EXOC6: variants seen among roughly 807,000 people sequenced by gnomAD.
EXOC6 encodes exocyst complex component 6.
EXOC6 carries 60 observed loss-of-function variants against 112.5 expected under a neutral mutation model. That is an observed-to-expected ratio of 0.53 (90% confidence interval 0.43 to 0.66). EXOC6 has a LOEUF of 0.66. EXOC6 is among the 30% of genes least tolerant of loss of function. EXOC6 has a pLI of 0.00. For missense variants in EXOC6, 855 were observed against 957.1 expected, an observed-to-expected ratio of 0.89 and a Z score of 1.41; for synonymous variants, 295 against 308.0, an observed-to-expected ratio of 0.96 and a Z score of 0.44.
chr10:93,038,237 A>G (rs1471210815), intron 20 of EXOC6, among the ~76,000 whole-genome samples: 1 of 151,914 alleles, frequency 6.6e-6, no homozygotes, highest in African/African-American at 2.4e-5. Flanking sequence ...CACAATTCCT[A>G]TTTTCAGTTA....
intron 1 of EXOC6, among the ~76,000 whole-genome samples, chr10:92,883,334 A>G (rs1189234661): frequency 6.6e-6 from 1 of 152,156 alleles, no homozygotes; most frequent in Non-Finnish European, 1.5e-5. Context: ...GTTTGCTTTA[A>G]AAACTGTCTT....
intron 19 of EXOC6, among the ~76,000 whole-genome samples, chr10:93,007,400 C>T (rs1284093767): frequency 6.6e-6 from 1 of 152,082 alleles, no homozygotes; most frequent in East Asian, 1.9e-4. Flanking sequence ...TCTGTAATCC[C>T]AGCACTTTGG....
At chr10:92,910,424 T>C (rs1015218071) in intron 6 of EXOC6, among the ~76,000 whole-genome samples, 3 of 152,058 alleles carry the variant, frequency 2.0e-5, no homozygotes, top group Non-Finnish European at 4.4e-5. Flanking sequence ...GCAGGTAGAC[T>C]AAGATGGAAA....
At chr10:92,880,851 G>GA (rs1231252904) in intron 1 of EXOC6, among the ~76,000 whole-genome samples, 4 of 151,640 alleles carry the variant, frequency 2.6e-5, no homozygotes, top group African/African-American at 9.7e-5. Flanking sequence ...TGCCAAAAGG[G>GA]AAAAAAATGG....
intron 13 of EXOC6, among the ~76,000 whole-genome samples, 182 bp downstream of exon 13, chr10:92,941,006 A>G (rs927205502): frequency 1.3e-5 from 2 of 152,146 alleles, no homozygotes; most frequent in Admixed American, 1.3e-4. Flanking sequence ...AATTGTTGCA[A>G]CTGTCACCAC....
intron 1 of EXOC6, among the ~76,000 whole-genome samples, chr10:92,853,124 A>T (rs1847430485): frequency 6.6e-6 from 1 of 152,210 alleles, no homozygotes; most frequent in Non-Finnish European, 1.5e-5. Context: ...CAGAAATTGA[A>T]ATTTAAAATT....
rs1245985546 is a variant in EXOC6, at chr10:93,016,162, TCTCA to T, written c.2169+1899_2169+1902del. 2.0e-5 allele frequency among the ~76,000 whole-genome samples: 3 copies of T among 152,198 alleles called. No individual in the cohort carries two copies. In the East Asian group the frequency reaches 5.8e-4, roughly 29 times the overall value. On this transcript the variant is annotated intron_variant, in intron 20 of 21. Transcript: ENST00000260762. ...TTGTTTATTTATTTATGAGACAGAGTCTCACTCTGTTGCCCAGGCTGGAATGCAG... is the reference window on the plus strand; with the variant it reads ...TTGTTTATTTATTTATGAGACAGAGTCTCTGTTGCCCAGGCTGGAATGCAG...
At chr10:92,901,838 A>G (rs1327252004) in intron 5 of EXOC6, 2 of 147,590 alleles carry the variant, frequency 1.4e-5, no homozygotes, top group African/African-American at 5.0e-5. Context: ...TCTCTACTGA[A>G]AAAAAAAAAA....
intron 20 of EXOC6, among the ~76,000 whole-genome samples, chr10:93,014,852 C>T (rs1844426881): frequency 6.6e-6 from 1 of 152,160 alleles, no homozygotes; most frequent in African/African-American, 2.4e-5. Flanking sequence ...CATTTTGCTA[C>T]TCTGACATAT....
At chr10:92,838,522 GGAAA>G (rs1846733140) in intron 1 of EXOC6, among the ~76,000 whole-genome samples, 1 of 152,170 alleles carries the variant, frequency 6.6e-6, no homozygotes, top group African/African-American at 2.4e-5. Flanking sequence ...TAAGTTTGAA[GGAAA>G]GATAGTTTCA....
chr10:92,909,231 A>G (rs927499770), intron 5 of EXOC6, among the ~76,000 whole-genome samples, 196 bp from the exon 6 acceptor site: 6 of 152,208 alleles, frequency 3.9e-5, no homozygotes, highest in African/African-American at 1.4e-4. Flanking sequence ...TATGCCATCA[A>G]CTTTGAGCCT....
rs529272601 is a variant in EXOC6, at chr10:92,973,544, T to A, written c.1774-509T>A. On this transcript the variant is annotated intron_variant, in intron 17 of 21. Coordinates refer to ENST00000260762, the MANE Select transcript of EXOC6 (RefSeq NM_019053.6). ...GAGATCCTCCCGCTGTTATTTTTGC[T>A]GGCATCACTCCTATTGTTTCTTTCT... Among the ~76,000 whole-genome samples, 6 of 152,378 alleles carry A rather than the reference T, an allele frequency of 3.9e-5. No individual in the cohort carries two copies. In the East Asian group the frequency reaches 1.2e-3, roughly 29 times the overall value.
At chr10:92,999,224 T>C (rs1268365929) in intron 19 of EXOC6, 5 of 175,610 alleles carry the variant, frequency 2.8e-5, no homozygotes, top group Non-Finnish European at 4.6e-5. Context: ...TTTTTACAAG[T>C]TTTTTTTTTT....
intron 20 of EXOC6, among the ~76,000 whole-genome samples, chr10:93,050,684 T>TG (rs1461000732): frequency 7.1e-6 from 1 of 141,736 alleles, no homozygotes; most frequent in Non-Finnish European, 1.5e-5. Flanking sequence ...TGCTTGAACC[T>TG]GGGAGGTGGA....
At chr10:92,830,580 G>T (rs1229376422), upstream of EXOC6, among the ~76,000 whole-genome samples, 1 of 152,136 alleles carries the variant, frequency 6.6e-6, no homozygotes, top group Admixed American at 6.5e-5. Context: ...TGTGTTGCGG[G>T]TCAGGTGGGG....
At chr10:92,927,673 A>G (rs1261837780) in intron 8 of EXOC6, among the ~76,000 whole-genome samples, 1 of 152,208 alleles carries the variant, frequency 6.6e-6, no homozygotes, top group East Asian at 1.9e-4. Context: ...CAACACTGAG[A>G]TAGACTAACC....
At chr10:93,028,889 G>T (rs944012870) in intron 20 of EXOC6, among the ~76,000 whole-genome samples, 7 of 147,426 alleles carry the variant, frequency 4.7e-5, no homozygotes, top group African/African-American at 1.8e-4. Context: ...AGTTGATAAA[G>T]AAGTGGCAGA....
intron 18 of EXOC6, among the ~76,000 whole-genome samples, chr10:92,989,268 G>A (rs1363863078): frequency 2.6e-5 from 4 of 152,252 alleles, no homozygotes; most frequent in South Asian, 2.1e-4. Flanking sequence ...TGTATAAAGC[G>A]TATAAAAGTA....
At chr10:92,891,249 T>C (rs989215578) in intron 1 of EXOC6, among the ~76,000 whole-genome samples, 3 of 152,192 alleles carry the variant, frequency 2.0e-5, no homozygotes, top group South Asian at 4.2e-4. Context: ...TGGAGAGATA[T>C]ATGAGTTTGA....
Sources: allele counts gnomAD v4.1 joint callset (sites outside exome capture counted in the v4.1 genomes callset), GRCh38; gene constraint gnomAD v4.1.1; transcripts MANE v1.5; gene names NCBI Gene and HGNC (gene_info 2026-07-23, HGNC 2026-07-21).